CSMD1: variants seen among roughly 807,000 people sequenced by gnomAD.
CSMD1 encodes CUB and sushi domain-containing protein 1.
Under a neutral mutation model 417.5 loss-of-function variants are expected in CSMD1, and 213 were observed. That is an observed-to-expected ratio of 0.51 (90% CI 0.46 to 0.57). The LOEUF (loss-of-function observed/expected upper bound fraction) is 0.57, where lower values mean the gene tolerates loss of function less well. CSMD1 is among the 20% of genes least tolerant of loss of function. The pLI is 0.00. For synonymous variants in CSMD1, 2,862 were observed against 1,736.8 expected, an observed-to-expected ratio of 1.65 and a Z score of -16.11; for missense variants, 6,923 against 4,529.7, an observed-to-expected ratio of 1.53 and a Z score of -15.17.
chr8:4,131,909 C>T (rs1446480348), intron 3 of CSMD1, among the ~76,000 whole-genome samples: 4 of 152,002 alleles, frequency 2.6e-5, no homozygotes, highest in East Asian at 3.9e-4. Context: ...ACTACAGGTG[C>T]CCGCAACCAC....
In CSMD1 at chr8:3,531,469, T is replaced by C. The variant is rs192541178; in HGVS notation, c.1345-37743A>G. On this transcript the variant is annotated intron_variant, in intron 10 of 69. Coordinates refer to ENST00000635120, the MANE Select transcript of CSMD1 (RefSeq NM_033225.6). ...CCCTCAAAAAATCAAATATAAAAGG[T>C]GATCCTGTCATTGTGAGATTATTGA... is the stretch of plus-strand genomic sequence containing the variant. Among the ~76,000 whole-genome samples, 10 of 152,208 alleles carry C rather than the reference T, an allele frequency of 6.6e-5. No individual in the cohort carries two copies. The East Asian group carries it at 1.9e-3, about 29-fold the overall frequency.
At chr8:4,357,132 T>A (rs929985965) in intron 3 of CSMD1, among the ~76,000 whole-genome samples, 1 of 152,204 alleles carries the variant, frequency 6.6e-6, no homozygotes, top group Non-Finnish European at 1.5e-5. Context: ...AAAACCCCAA[T>A]TCACTTTGGT....
intron 5 of CSMD1, among the ~76,000 whole-genome samples, chr8:3,873,697 A>G (rs1375164697): frequency 6.6e-6 from 1 of 152,192 alleles, no homozygotes; most frequent in Non-Finnish European, 1.5e-5. Context: ...ACTTAAAATA[A>G]AAGTTAAAAA....
At chr8:3,595,941 A>G (rs990138361) in intron 8 of CSMD1, among the ~76,000 whole-genome samples, 3 of 152,150 alleles carry the variant, frequency 2.0e-5, no homozygotes, top group African/African-American at 7.2e-5. Context: ...CCCCTCTCCC[A>G]TCTTCTTCTC....
chr8:3,478,710 C>G (rs1475313770), intron 11 of CSMD1, among the ~76,000 whole-genome samples: 1 of 152,260 alleles, frequency 6.6e-6, no homozygotes, highest in South Asian at 2.1e-4. Flanking sequence ...GACTACGCAG[C>G]ACCACAGCAA....
chr8:3,319,486 G>A (rs1806003535), intron 23 of CSMD1, among the ~76,000 whole-genome samples: 1 of 152,142 alleles, frequency 6.6e-6, no homozygotes, highest in Admixed American at 6.5e-5. Flanking sequence ...AAGGTGGCAA[G>A]TAAAAGATAG....
rs145171939 is a variant in CSMD1, at chr8:4,358,413, A to AG, written c.415+61539_415+61540insC. Among the ~76,000 whole-genome samples, 764 of 152,326 alleles carry AG rather than the reference A, an allele frequency of 5.0e-3. 27 individuals carry two copies. In the East Asian group the frequency reaches 0.085, roughly 17 times the overall value. On this transcript the variant is annotated intron_variant, in intron 3 of 69. Transcript: ENST00000635120. Reference sequence around the variant, plus strand: ...GGGGACTGTTTCGTGACACGTGAAAATATATGAAATTCAAATTTCAGTGTC... The same window carrying AG: ...GGGGACTGTTTCGTGACACGTGAAAAGTATATGAAATTCAAATTTCAGTGTC...
chr8:4,171,023 A>G lies in CSMD1; in HGVS notation c.416-138924T>C, dbSNP rs143795404. Among the ~76,000 whole-genome samples the G allele has an allele frequency of 5.2e-4, 79 of 151,974 alleles. 2 individuals carry two copies. The highest frequency in any genetic ancestry group is 1.8e-3 in the African/African-American group (73 of 41,256). On this transcript the variant is annotated intron_variant, in intron 3 of 69. Transcript: ENST00000635120. ...CTTCAGCATGGGATAATGGCCTTCC[A>G]TATGCAGAATGCACCGATCTCTCCA...
In CSMD1 at chr8:3,429,615, T is replaced by C. The variant is rs192089120; in HGVS notation, c.1562-20010A>G. Among the ~76,000 whole-genome samples, 174 of 152,178 alleles carry C rather than the reference T, an allele frequency of 1.1e-3. 1 individual carries two copies. Among genetic ancestry groups the C allele is most frequent in the African/African-American group, 4.1e-3 (169 of 41,526 alleles). ...CAATGTTCAATATCTTGACGAGGGG[T>C]GGTGAAAACAAGGGTTGATGTTTAT... On this transcript the variant is annotated intron_variant, in intron 12 of 69. Transcript: ENST00000635120.
intron 3 of CSMD1, among the ~76,000 whole-genome samples, chr8:4,231,223 C>A (rs1178325316): frequency 1.3e-5 from 2 of 152,016 alleles, no homozygotes; most frequent in Non-Finnish European, 2.9e-5. Flanking sequence ...TTGTCTTATC[C>A]CTCTTTGAGG....
At chr8:3,640,750 A>G (rs1212798627) in intron 7 of CSMD1, among the ~76,000 whole-genome samples, 1 of 152,222 alleles carries the variant, frequency 6.6e-6, no homozygotes, top group Non-Finnish European at 1.5e-5. Flanking sequence ...CATTCATTGT[A>G]CAGGAAGTGA....
intron 3 of CSMD1, among the ~76,000 whole-genome samples, chr8:4,341,387 C>G (rs1297094033): frequency 6.6e-6 from 1 of 152,044 alleles, no homozygotes; most frequent in African/African-American, 2.4e-5. Context: ...TAATTTAGTA[C>G]TGAAGAAAGC....
At chr8:3,476,849 C>T (rs934141113) in intron 11 of CSMD1, among the ~76,000 whole-genome samples, 3 of 144,826 alleles carry the variant, frequency 2.1e-5, no homozygotes, top group East Asian at 2.0e-4. Flanking sequence ...ACCTGGGAAG[C>T]AGAGGTCGCA....
In CSMD1 at chr8:4,994,731, A is replaced by T. The variant is rs1307306666; in HGVS notation, c.-315T>A. ...AAGGCGGCGAGGCTGCGGGAGGGGG[A>T]GAAGCGGGGAGAGGAGCGCGCGCAG... On this transcript the variant is annotated 5_prime_UTR_variant, in exon 1 of 70. Transcript: ENST00000635120. 20 of 320,118 alleles carry T rather than the reference A, an allele frequency of 6.2e-5. No individual in the cohort carries two copies. Among genetic ancestry groups the T allele is most frequent in the Non-Finnish European group, 1.1e-4 (20 of 174,320 alleles). The allele number at this position is 320,118 out of a possible 1,614,324, so 19.8% of individuals were successfully genotyped here. A position where few individuals can be genotyped will look rare whatever the true frequency, so the allele number is the denominator to read the frequency against.
intron 7 of CSMD1, among the ~76,000 whole-genome samples, chr8:3,698,402 CCTT>C (rs1444021511): frequency 6.6e-6 from 1 of 152,180 alleles, no homozygotes; most frequent in African/African-American, 2.4e-5. Flanking sequence ...GAGCAATTCT[CCTT>C]CTTGTTTTAT....
At chr8:3,073,744 T>C (rs377605475) in intron 49 of CSMD1, among the ~76,000 whole-genome samples, 2 of 149,538 alleles carry the variant, frequency 1.3e-5, no homozygotes. Flanking sequence ...CAAAGAAAAA[T>C]GAGAACATGA....
chr8:3,887,667 A>T (rs1479671006), intron 5 of CSMD1, among the ~76,000 whole-genome samples: 1 of 152,234 alleles, frequency 6.6e-6, no homozygotes, highest in East Asian at 1.9e-4. Flanking sequence ...GTTAAGAGAC[A>T]ATACCTATGT....
intron 5 of CSMD1, among the ~76,000 whole-genome samples, chr8:3,780,703 C>T (rs1189918977): frequency 6.6e-6 from 1 of 152,208 alleles, no homozygotes; most frequent in Non-Finnish European, 1.5e-5. Context: ...AGAGCCCAGC[C>T]TGGTGAGAAA....
At chr8:3,949,668 AAGG>A (rs749003652) in intron 5 of CSMD1, among the ~76,000 whole-genome samples, 2 of 152,046 alleles carry the variant, frequency 1.3e-5, no homozygotes, top group African/African-American at 2.4e-5. Context: ...GGATGAGAGA[AAGG>A]AGGAGGAGAA....
Sources: gnomAD v4.1 joint callset for allele counts (sites outside exome capture counted in the v4.1 genomes callset) on GRCh38, gnomAD v4.1.1 for gene constraint, MANE v1.5 for transcripts, NCBI Gene and HGNC (gene_info 2026-07-23, HGNC 2026-07-21) for gene names.